Variants in EVA1C observed in about 807,000 individuals in gnomAD.
The protein encoded by EVA1C is protein eva-1 homolog C.
Under a neutral mutation model 45.4 loss-of-function variants are expected in EVA1C, and 25 were observed. The observed-to-expected ratio is 0.55, with a 90% CI of 0.40 to 0.77. EVA1C has a LOEUF of 0.77. Ranked by LOEUF, EVA1C falls within the 30% of genes least tolerant of loss-of-function variation. The pLI is 0.00. For missense variants in EVA1C, 479 were observed against 554.8 expected (o/e 0.86, Z 1.37); for synonymous variants, 190 against 221.2 (o/e 0.86, Z 1.25).
At chr21:32,426,365 G>A (rs978528852) in intron 1 of EVA1C, among the ~76,000 whole-genome samples, 4 of 152,070 alleles carry the variant, frequency 2.6e-5, no homozygotes, top group Admixed American at 2.6e-4. Context: ...CATGATGGGG[G>A]GTGGATAATT....
intron 4 of EVA1C, among the ~76,000 whole-genome samples, chr21:32,476,391 C>T (rs1315130661): frequency 6.6e-6 from 1 of 152,066 alleles, no homozygotes; most frequent in Non-Finnish European, 1.5e-5. Flanking sequence ...ACTGGAATCC[C>T]AGCACTTTGG....
intron 1 of EVA1C, among the ~76,000 whole-genome samples, chr21:32,449,901 G>A (rs1452688472): frequency 6.6e-6 from 1 of 152,148 alleles, no homozygotes; most frequent in Non-Finnish European, 1.5e-5. Context: ...GGGATTATAG[G>A]TGTGAGCCAC....
chr21:32,472,113 C>A (rs2036396069), intron 4 of EVA1C, among the ~76,000 whole-genome samples: 1 of 152,184 alleles, frequency 6.6e-6, no homozygotes, highest in Admixed American at 6.5e-5. Flanking sequence ...CACTGCCTTT[C>A]ATTCCTAGGA....
At chr21:32,488,849 G>C (rs1164260422) in intron 4 of EVA1C, among the ~76,000 whole-genome samples, 1 of 126,790 alleles carries the variant, frequency 7.9e-6, no homozygotes. Flanking sequence ...GCCTCCCAAA[G>C]TGCTGGGATT....
At chr21:32,422,379 G>A (rs16989384) in intron 1 of EVA1C, among the ~76,000 whole-genome samples, 1,674 of 152,242 alleles carry the variant, frequency 0.011, 29 homozygotes, top group African/African-American at 0.039. Flanking sequence ...CATCTGATCA[G>A]TATTCCAGAA....
rs1451799088 is a variant in EVA1C at position 32,475,090 on chromosome 21, A to G, written c.634+7242A>G. On this transcript the variant is annotated intron_variant, in intron 4 of 7. Transcript: ENST00000300255. ...GTTGGTTTCACTGCAGACCTCTGTA[A>G]GGGAGCTTTGTGGTGAGTCCTGGAA... Among the ~76,000 whole-genome samples the G allele has an allele frequency of 2.0e-5, 3 of 152,212 alleles. No individual in the cohort carries two copies. The East Asian group carries it at 5.8e-4, about 29-fold the overall frequency.
At chr21:32,482,148 C>G (rs1601387679) in intron 4 of EVA1C, among the ~76,000 whole-genome samples, 1 of 152,186 alleles carries the variant, frequency 6.6e-6, no homozygotes, top group East Asian at 1.9e-4. Flanking sequence ...AGTGAGGAAA[C>G]TGAGGCTTAG....
intron 4 of EVA1C, among the ~76,000 whole-genome samples, chr21:32,487,385 G>A (rs538772188): frequency 6.6e-6 from 1 of 152,132 alleles, no homozygotes; most frequent in East Asian, 1.9e-4. Flanking sequence ...CTCAACAATG[G>A]GGCTCAGAGA....
At chr21:32,432,792 G>A (rs989783159) in intron 1 of EVA1C, among the ~76,000 whole-genome samples, 1 of 152,108 alleles carries the variant, frequency 6.6e-6, no homozygotes, top group Non-Finnish European at 1.5e-5. Flanking sequence ...GTGATCATAG[G>A]TCACTGCAGC....
chr21:32,479,192 G>A (rs1335155994), intron 4 of EVA1C, among the ~76,000 whole-genome samples: 6 of 152,172 alleles, frequency 3.9e-5, no homozygotes, highest in East Asian at 1.9e-4. Flanking sequence ...AGGCTGAGGC[G>A]AGTGGATTGC....
intron 7 of EVA1C, among the ~76,000 whole-genome samples, chr21:32,509,596 A>G (rs1016222118): frequency 2.2e-4 from 34 of 152,184 alleles, no homozygotes; most frequent in Admixed American, 1.9e-3. Context: ...CAGGGATGGC[A>G]CTGGGGATTT....
At chr21:32,502,519 A>G (rs1170667448) in intron 6 of EVA1C, among the ~76,000 whole-genome samples, 2 of 152,164 alleles carry the variant, frequency 1.3e-5, no homozygotes, top group Non-Finnish European at 2.9e-5. Flanking sequence ...GGTCCCTAAT[A>G]GAAACTGCAG....
At chr21:32,453,762 A>G (rs2035676120) in intron 2 of EVA1C, among the ~76,000 whole-genome samples, 1 of 152,206 alleles carries the variant, frequency 6.6e-6, no homozygotes, top group African/African-American at 2.4e-5. Context: ...ATATGAATTT[A>G]TTTGTAGGTT....
chr21:32,415,468 C>A (rs909295637), intron 1 of EVA1C, among the ~76,000 whole-genome samples: 9 of 152,310 alleles, frequency 5.9e-5, no homozygotes, highest in African/African-American at 1.4e-4. Context: ...TTTCTCCCCC[C>A]AGGAGATTAG....
rs747591452 is a variant in EVA1C at position 32,457,584 on chromosome 21, C to T, written c.358-13C>T. 13 of 1,613,962 alleles carry T rather than the reference C, an allele frequency of 8.1e-6. No homozygotes were observed. The African/African-American group carries it at 1.2e-4, about 15-fold the overall frequency. ...GTTTTCAAGCCTGTCCCTTTTCTACCCTCTCCTTCTAGAAGGTGCTGGACG... is the reference window on the plus strand; with the variant it reads ...GTTTTCAAGCCTGTCCCTTTTCTACTCTCTCCTTCTAGAAGGTGCTGGACG... On this transcript the variant is annotated splice_polypyrimidine_tract_variant and intron_variant, in intron 2 of 7. Transcript: ENST00000300255.
chr21:32,434,557 C>T (rs1009830826), intron 1 of EVA1C, among the ~76,000 whole-genome samples: 6 of 151,742 alleles, frequency 4.0e-5, no homozygotes, highest in Non-Finnish European at 5.9e-5. Context: ...CGCCACTGCA[C>T]TCCAGCCTGG....
At chr21:32,441,011 A>C (rs983172033) in intron 1 of EVA1C, among the ~76,000 whole-genome samples, 12 of 152,232 alleles carry the variant, frequency 7.9e-5, no homozygotes, top group African/African-American at 2.9e-4. Flanking sequence ...CTGAGGCAAG[A>C]GAATCGCTTG....
intron 1 of EVA1C, among the ~76,000 whole-genome samples, chr21:32,426,459 G>A (rs1306516832): frequency 6.6e-6 from 1 of 151,300 alleles, no homozygotes; most frequent in Non-Finnish European, 1.5e-5. Context: ...CTGCCTCCCC[G>A]ACTTTCCTCC....
At chr21:32,502,139 G>A (rs1301994599) in intron 6 of EVA1C, among the ~76,000 whole-genome samples, 6 of 147,030 alleles carry the variant, frequency 4.1e-5, no homozygotes, top group African/African-American at 1.3e-4. Context: ...CGCTCTTGTC[G>A]CCCAGGCTGG....
Sources: allele counts gnomAD v4.1 joint callset (sites outside exome capture counted in the v4.1 genomes callset), GRCh38; gene constraint gnomAD v4.1.1; transcripts MANE v1.5; gene names NCBI Gene and HGNC (gene_info 2026-07-23, HGNC 2026-07-21).